Variants in CGGBP1 observed in about 807,000 individuals in gnomAD.
The protein encoded by CGGBP1 is CGG triplet repeat binding protein 1.
CGGBP1 carries 4 observed loss-of-function variants against 11.4 expected under a neutral mutation model. That is an observed-to-expected ratio of 0.35 (90% CI 0.17 to 0.80). CGGBP1 has a LOEUF of 0.80. CGGBP1 is among the 30% of genes least tolerant of loss of function. The pLI is 0.52. For missense variants in CGGBP1, 135 were observed against 202.1 expected, an observed-to-expected ratio of 0.67 and a Z score of 2.01; for synonymous variants, 76 against 74.1, an observed-to-expected ratio of 1.03 and a Z score of -0.13.
At chr3:88,124,522 C>A (rs1440846620) in intron 2 of CGGBP1, among the ~76,000 whole-genome samples, 2 of 152,172 alleles carry the variant, frequency 1.3e-5, no homozygotes, top group African/African-American at 2.4e-5. Flanking sequence ...TGCAACGTGG[C>A]ATATATAAAT....
chr3:88,095,643 A>G (rs1704014307), intron 2 of CGGBP1: 5 of 503,384 alleles, frequency 9.9e-6, no homozygotes, highest in Admixed American at 6.3e-5. Context: ...GCCCCAAGCA[A>G]TATCATCACT....
intron 2 of CGGBP1, among the ~76,000 whole-genome samples, chr3:88,110,363 CTGTGG>C (rs1221158219): frequency 6.6e-6 from 1 of 152,090 alleles, no homozygotes; most frequent in Non-Finnish European, 1.5e-5. Flanking sequence ...AACTCTACCA[CTGTGG>C]TATGAAAGCA....
chr3:88,085,135 G>A (rs373346513), intron 2 of CGGBP1, among the ~76,000 whole-genome samples: 4 of 152,206 alleles, frequency 2.6e-5, no homozygotes, highest in South Asian at 2.1e-4. Context: ...AGTAGGAAGT[G>A]ATTAGTGTGA....
At chr3:88,073,744 G>T (rs1344939148) in intron 2 of CGGBP1, among the ~76,000 whole-genome samples, 1 of 152,100 alleles carries the variant, frequency 6.6e-6, no homozygotes, top group Non-Finnish European at 1.5e-5. Flanking sequence ...TGAAGAGTTA[G>T]TGCATTCTTC....
At chr3:88,111,408 C>G (rs1705082272) in intron 2 of CGGBP1, among the ~76,000 whole-genome samples, 1 of 151,918 alleles carries the variant, frequency 6.6e-6, no homozygotes, top group African/African-American at 2.4e-5. Context: ...CCCCCACCCC[C>G]TGACCCCTCA....
At chr3:88,122,359 A>T (rs1339902157) in intron 2 of CGGBP1, among the ~76,000 whole-genome samples, 3 of 152,150 alleles carry the variant, frequency 2.0e-5, no homozygotes, top group African/African-American at 4.8e-5. Context: ...AAGTGGTAAG[A>T]CTTTCATCCT....
At chr3:88,062,299 A>G (rs892399157), upstream of CGGBP1, among the ~76,000 whole-genome samples, 1 of 152,222 alleles carries the variant, frequency 6.6e-6, no homozygotes, top group Non-Finnish European at 1.5e-5. Flanking sequence ...CTTAGTTTCC[A>G]TTATGTAGAC....
chr3:88,127,309 T>G (rs997513355), intron 2 of CGGBP1, among the ~76,000 whole-genome samples: 12 of 151,938 alleles, frequency 7.9e-5, no homozygotes, highest in Admixed American at 1.3e-4. Flanking sequence ...TGCAGTTAAG[T>G]GGAGGAGGAG....
At chr3:88,059,216 G>A, upstream of CGGBP1, 1 of 1,482,062 alleles carries the variant, frequency 6.7e-7, no homozygotes. Flanking sequence ...CGGCTAGGGA[G>A]GAGGGAAGGG....
At chr3:88,113,104 A>T (rs777131339) in intron 2 of CGGBP1, 3 of 1,517,226 alleles carry the variant, frequency 2.0e-6, no homozygotes, top group East Asian at 2.5e-5. Flanking sequence ...TTATTCACTT[A>T]TTCTTTCTAG....
At position 88,132,832 on chromosome 3, in the gene CGGBP1, A is replaced by G. The variant is rs562725735; in HGVS notation, c.-229+8138T>C. 5.9e-5 allele frequency among the ~76,000 whole-genome samples: 9 copies of G among 152,346 alleles called. No homozygotes were observed. In the South Asian group the frequency reaches 1.9e-3, roughly 32 times the overall value. On this transcript the variant is annotated intron_variant, in intron 2 of 3. Transcript: ENST00000462901. The stretch of plus-strand genomic sequence containing the variant: ...ACTGTATATAAAATAGATAACAGTC[A>G]TACAGCTAGTAAGAAATGGAGTTGG...
chr3:88,119,937 A>G (rs1434488791), intron 2 of CGGBP1, among the ~76,000 whole-genome samples: 5 of 152,196 alleles, frequency 3.3e-5, no homozygotes, highest in Non-Finnish European at 5.9e-5. Flanking sequence ...AAACTCTGCT[A>G]ATTAAAAGTA....
At chr3:88,092,626 C>T (rs1193613446) in intron 2 of CGGBP1, among the ~76,000 whole-genome samples, 1 of 152,068 alleles carries the variant, frequency 6.6e-6, no homozygotes, top group African/African-American at 2.4e-5. Context: ...TTTTACAGTT[C>T]TTTTGATTTA....
intron 2 of CGGBP1, among the ~76,000 whole-genome samples, chr3:88,084,905 A>C (rs1444420598): frequency 2.0e-5 from 3 of 152,110 alleles, no homozygotes; most frequent in African/African-American, 4.8e-5. Context: ...AAGGAACGCT[A>C]ATCTTTTATA....
chr3:88,127,608 G>C (rs765368476), intron 2 of CGGBP1, among the ~76,000 whole-genome samples: 3 of 152,054 alleles, frequency 2.0e-5, no homozygotes, highest in Non-Finnish European at 4.4e-5. Flanking sequence ...CAAAGACAGA[G>C]TTTCAAGAGA....
At chr3:88,131,232 G>T (rs890735255) in intron 2 of CGGBP1, among the ~76,000 whole-genome samples, 3 of 152,144 alleles carry the variant, frequency 2.0e-5, no homozygotes, top group African/African-American at 7.2e-5. Flanking sequence ...TATAGAAAAA[G>T]TACAGTAAAA....
At chr3:88,141,526 C>T (rs1559739857) in intron 1 of CGGBP1, 1 of 629,734 alleles carries the variant, frequency 1.6e-6, no homozygotes, top group Non-Finnish European at 2.4e-6. Context: ...AAGAGCTTGT[C>T]TGTCTACTAA....
At chr3:88,133,098 T>G (rs1706562333) in intron 2 of CGGBP1, among the ~76,000 whole-genome samples, 1 of 152,188 alleles carries the variant, frequency 6.6e-6, no homozygotes, top group African/African-American at 2.4e-5. Context: ...CTTAATAGTT[T>G]AGAGTTGAGA....
chr3:88,090,346 G>C (rs1192942054), intron 2 of CGGBP1, among the ~76,000 whole-genome samples: 1 of 152,078 alleles, frequency 6.6e-6, no homozygotes, highest in Non-Finnish European at 1.5e-5. Context: ...AGGCTGATCA[G>C]TATGTGACTT....
Sources: gnomAD v4.1 joint callset for allele counts (sites outside exome capture counted in the v4.1 genomes callset) on GRCh38, gnomAD v4.1.1 for gene constraint, MANE v1.5 for transcripts, NCBI Gene and HGNC (gene_info 2026-07-23, HGNC 2026-07-21) for gene names.